The following TNRC6A variants were observed in gnomAD, a reference collection of about 807,000 sequenced individuals.
The protein encoded by TNRC6A is trinucleotide repeat-containing gene 6A protein.
TNRC6A carries 44 observed loss-of-function variants against 221.2 expected under a neutral mutation model. That is an observed-to-expected ratio of 0.20 (90% CI 0.16 to 0.26). The LOEUF (loss-of-function observed/expected upper bound fraction) is 0.26. TNRC6A is among the 10% of genes least tolerant of loss of function. The pLI, the probability that TNRC6A is intolerant of heterozygous loss-of-function variation, is 1.00. For missense variants in TNRC6A, 2,199 were observed against 2,404.4 expected (o/e 0.91, Z 1.79); for synonymous variants, 847 against 838.5 (o/e 1.01, Z -0.18).
intron 4 of TNRC6A, among the ~76,000 whole-genome samples, chr16:24,771,581 G>GTTTTATGTTATGTTATGTTGTGATGT: frequency 3.4e-5 from 2 of 58,008 alleles, no homozygotes; most frequent in African/African-American, 1.4e-4. Flanking sequence ...GTTATGTTAT[G>GTTTTATGTTATGTTATGTTGTGATGT]TTGTTATGTT....
At chr16:24,651,469 C>T (rs1902646298) in intron 2 of TNRC6A, among the ~76,000 whole-genome samples, 2 of 129,460 alleles carry the variant, frequency 1.5e-5, no homozygotes, top group Admixed American at 9.7e-5. Context: ...ACCTGGGAGG[C>T]GGAGGTTGCG....
At chr16:24,796,663 A>C (rs2058225457) in intron 9 of TNRC6A, among the ~76,000 whole-genome samples, 1 of 152,218 alleles carries the variant, frequency 6.6e-6, no homozygotes, top group South Asian at 2.1e-4. Flanking sequence ...CTTGCTTCAG[A>C]GACCTGCATT....
At chr16:24,615,712 A>G (rs935063409) in intron 1 of TNRC6A, among the ~76,000 whole-genome samples, 1 of 152,316 alleles carries the variant, frequency 6.6e-6, no homozygotes, top group South Asian at 2.1e-4. Context: ...CAGAGTGCTT[A>G]CTGAGAACCC....
chr16:24,789,208 A>G (rs756853398), intron 5 of TNRC6A, 24 bp from the exon 6 acceptor site: 3 of 1,538,484 alleles, frequency 1.9e-6, no homozygotes, highest in African/African-American at 1.4e-5. Context: ...CTTTATAAAT[A>G]GTTGTACTTC....
In TNRC6A at chr16:24,818,602, C is replaced by T. The variant is rs759051849; in HGVS notation, c.4982C>T (p.Ser1661Leu). The change falls in exon 21 of 25, where the codon TCA becomes TTA. Residue 1661 changes from serine (S) to leucine (L), a missense_variant. Physicochemically the swap from Ser to Leu is moderately radical, Grantham distance 145. Transcript: ENST00000395799. ...CTCTTCCCCCACACAGGGTCATCCT[C>T]ATCCTTGAACACCACGCTGCCTTCA... is the stretch of plus-strand genomic sequence containing the variant. Reference protein sequence around the residue: ...HLRDRNSGSSSSLNTTLPSTS... With the variant: ...HLRDRNSGSSLSLNTTLPSTS... 2.5e-6 allele frequency: 4 copies of T among 1,614,140 alleles called. No homozygotes were observed. The South Asian group carries it at 4.4e-5, about 18-fold the overall frequency.
chr16:24,744,644 A>G (rs774355286), intron 2 of TNRC6A, among the ~76,000 whole-genome samples: 1 of 152,070 alleles, frequency 6.6e-6, no homozygotes, highest in Non-Finnish European at 1.5e-5. Flanking sequence ...TGAGATCCAT[A>G]CTGTCATCTG....
intron 2 of TNRC6A, among the ~76,000 whole-genome samples, chr16:24,709,348 T>C (rs1048778017): frequency 3.3e-5 from 5 of 152,166 alleles, no homozygotes; most frequent in Non-Finnish European, 7.3e-5. Context: ...CTGGATTAAA[T>C]GGTTGATCTA....
At position 24,805,685 on chromosome 16, in the gene TNRC6A, G is replaced by A; in HGVS notation, c.4203G>A (p.Leu1401=). 3 of 1,614,220 alleles carry A rather than the reference G, an allele frequency of 1.9e-6. No homozygotes were observed. The highest frequency in any genetic ancestry group is 2.5e-6 in the Non-Finnish European group (3 of 1,180,038). ...TTGGCCCTCAACAGGTAGCCATGCT[G>A]AACCAGCTATCCCAGCTAAACCAGC... ...PLFGPQQVAM[L]NQLSQLNQLS... is the part of the protein sequence containing the mutation. The change falls in exon 15 of 25, where the codon CTG becomes CTA. Residue 1401 remains leucine (L), a synonymous_variant. Transcript: ENST00000395799.
chr16:24,760,848 A>G (rs1199455339), intron 4 of TNRC6A, among the ~76,000 whole-genome samples: 1 of 152,194 alleles, frequency 6.6e-6, no homozygotes, highest in Non-Finnish European at 1.5e-5. Flanking sequence ...ACCATGGTAC[A>G]TTTGTCAAAA....
intron 20 of TNRC6A, among the ~76,000 whole-genome samples, chr16:24,817,942 G>C (rs188580345): frequency 2.1e-4 from 32 of 152,206 alleles, no homozygotes; most frequent in Non-Finnish European, 3.4e-4. Context: ...AAAGGAAATA[G>C]AACATTGAAG....
In TNRC6A at chr16:24,777,112, C is replaced by T. The variant is rs1358587420; in HGVS notation, c.343C>T (p.Pro115Ser). The change falls in exon 5 of 25, where the codon CCG becomes TCG. Residue 115 changes from proline to serine, a missense_variant. By Grantham distance (74) the Pro-to-Ser change is moderately conservative. Transcript: ENST00000395799. ...GCAGCAGCCACAGCAGCAGCCACAG[C>T]CGCAGCCGCAGCAGCAGCAGCCACA... is the stretch of plus-strand genomic sequence containing the variant. ...QQQQPQQQPQ[P>S]QPQQQQPQQQ... 3 of 1,091,390 alleles carry T rather than the reference C, an allele frequency of 2.7e-6. No individual in the cohort carries two copies. Among genetic ancestry groups the T allele is most frequent in the East Asian group, 2.7e-5 (1 of 36,770 alleles). 67.6% of individuals were successfully genotyped at this position (1,091,390 alleles called of 1,614,324 possible).
chr16:24,694,319 C>A (rs897203214), intron 2 of TNRC6A, among the ~76,000 whole-genome samples: 1 of 152,134 alleles, frequency 6.6e-6, no homozygotes, highest in Non-Finnish European at 1.5e-5. Context: ...AAAACCCCAA[C>A]ACATGGACAC....
rs536991453 is a variant in TNRC6A at position 24,630,253 on chromosome 16, C to T, written n.277-10631C>T. Among the ~76,000 whole-genome samples the T allele has an allele frequency of 2.4e-4, 36 of 152,264 alleles. No individual in the cohort carries two copies. The Middle Eastern group carries it at 0.01, about 43-fold the overall frequency. ...CTGCATTCAAGCCTTGGATGTGATC[C>T]TATCTCTCACCTGCTCAGGGACTCT... On this transcript the variant is annotated intron_variant and non_coding_transcript_variant, in intron 1 of 2. Coordinates refer to the TNRC6A transcript ENST00000566108.
intron 2 of TNRC6A, among the ~76,000 whole-genome samples, chr16:24,658,953 C>T (rs1277990971): frequency 3.3e-5 from 5 of 151,308 alleles, no homozygotes; most frequent in African/African-American, 7.3e-5. Flanking sequence ...GGACTATAGG[C>T]GTGCGCTACC....
At chr16:24,695,561 G>A (rs890860968) in intron 2 of TNRC6A, among the ~76,000 whole-genome samples, 4 of 152,022 alleles carry the variant, frequency 2.6e-5, no homozygotes, top group East Asian at 1.9e-4. Context: ...CACCACGCCC[G>A]GCTAATTTTT....
intron 2 of TNRC6A, among the ~76,000 whole-genome samples, chr16:24,734,370 A>G (rs1395344528): frequency 6.6e-6 from 1 of 152,168 alleles, no homozygotes; most frequent in Non-Finnish European, 1.5e-5. Flanking sequence ...TGGGGAGAGA[A>G]GATGCTAAGT....
At chr16:24,775,143 T>C (rs1246683801) in intron 4 of TNRC6A, among the ~76,000 whole-genome samples, 1 of 152,172 alleles carries the variant, frequency 6.6e-6, no homozygotes, top group Non-Finnish European at 1.5e-5. Flanking sequence ...TGTCTGCTTA[T>C]TACTGCATGA....
chr16:24,787,926 T>C (rs1015930822), intron 5 of TNRC6A, among the ~76,000 whole-genome samples: 10 of 152,210 alleles, frequency 6.6e-5, no homozygotes, highest in Admixed American at 3.9e-4. Flanking sequence ...CTTGAAGATA[T>C]ATACTTAAAA....
intron 2 of TNRC6A, among the ~76,000 whole-genome samples, chr16:24,713,557 C>T (rs2056252459): frequency 1.3e-5 from 2 of 152,110 alleles, no homozygotes; most frequent in Admixed American, 1.3e-4. Flanking sequence ...CTGCTGTCAT[C>T]CTTACCTTTA....
Sources: allele counts gnomAD v4.1 joint callset (sites outside exome capture counted in the v4.1 genomes callset), GRCh38; gene constraint gnomAD v4.1.1; transcripts MANE v1.5; gene names NCBI Gene and HGNC (gene_info 2026-07-23, HGNC 2026-07-21).